The following LONRF2 variants were observed in gnomAD, a reference collection of about 807,000 sequenced individuals.
LONRF2 encodes LON peptidase N-terminal domain and ring finger 2, also known as LON peptidase N-terminal domain and RING finger protein 2.
LONRF2 carries 35 observed loss-of-function variants against 66.6 expected under a neutral mutation model. The ratio of observed to expected loss-of-function variants is 0.53; its 90% confidence interval spans 0.40 to 0.70. The LOEUF (loss-of-function observed/expected upper bound fraction) is 0.70, where lower values mean the gene tolerates loss of function less well. LONRF2 is among the 30% of genes least tolerant of loss of function. LONRF2 has a pLI of 0.00. For missense variants in LONRF2, 902 were observed against 1,002.1 expected (o/e 0.90, Z 1.35); for synonymous variants, 417 against 418.1 (o/e 1.00, Z 0.03).
intron 10 of LONRF2, among the ~76,000 whole-genome samples, chr2:100,289,671 C>T (rs1559175603): frequency 6.6e-6 from 1 of 152,104 alleles, no homozygotes; most frequent in African/African-American, 2.4e-5. Flanking sequence ...CTCCTGACCT[C>T]GTGACCTGCC....
Position 100,286,989 on chromosome 2 carries a change from C to T in LONRF2, c.1995G>A (p.Ala665=), listed in dbSNP as rs116799032. 7.3e-4 allele frequency: 1,186 copies of T among 1,614,138 alleles called. 10 individuals are homozygous for T. The African/African-American group carries it at 0.013, about 18-fold the overall frequency. The change falls in exon 11 of 12, where the codon GCG becomes GCA. Residue 665 remains alanine (A), a synonymous_variant. Coordinates refer to ENST00000393437, the MANE Select transcript of LONRF2 (RefSeq NM_198461.4). ...GTTCTTTCATGCGATCCTGGAGAGA[C>T]GCGAACCAGGAAACAGACTGTTGAT... is the stretch of plus-strand genomic sequence containing the variant. ...SVHQQSVSWF[A]SLQDRMKEQI...
At chr2:100,311,832 T>C (rs1285525832) in intron 1 of LONRF2, among the ~76,000 whole-genome samples, 1 of 152,204 alleles carries the variant, frequency 6.6e-6, no homozygotes, top group African/African-American at 2.4e-5. Flanking sequence ...CAACCTGATA[T>C]GGTGAATTAC....
At chr2:100,303,842 T>C (rs1230535659) in intron 2 of LONRF2, among the ~76,000 whole-genome samples, 1 of 152,210 alleles carries the variant, frequency 6.6e-6, no homozygotes, top group Non-Finnish European at 1.5e-5. Context: ...GGATCTGAAA[T>C]TAATGTTTCC....
At chr2:100,298,978 G>T in intron 6 of LONRF2, 28 bp from the exon 7 acceptor site, 1 of 1,530,852 alleles carries the variant, frequency 6.5e-7, no homozygotes, top group Non-Finnish European at 9.1e-7. Context: ...TTTTCAGCCA[G>T]AAATGTCCAG....
chr2:100,319,115 C>T (rs1369860519), intron 1 of LONRF2, among the ~76,000 whole-genome samples: 12 of 113,922 alleles, frequency 1.1e-4, no homozygotes, highest in South Asian at 2.5e-4. Flanking sequence ...AGCAAGACTC[C>T]GTCTTAAAAA....
chr2:100,320,686 T>C (rs1675602390), intron 1 of LONRF2, among the ~76,000 whole-genome samples: 1 of 152,158 alleles, frequency 6.6e-6, no homozygotes, highest in Non-Finnish European at 1.5e-5. Context: ...CAACTGCCAA[T>C]AGAGCGCATA....
chr2:100,293,159 A>G (rs924431974), intron 9 of LONRF2, among the ~76,000 whole-genome samples: 1 of 152,232 alleles, frequency 6.6e-6, no homozygotes, highest in Non-Finnish European at 1.5e-5. Flanking sequence ...AGATGCTGAC[A>G]GGAATTACTC....
Position 100,322,174 on chromosome 2 carries a change from G to A in LONRF2, c.-81C>T. 2.5e-6 allele frequency: 3 copies of A among 1,194,620 alleles called. No homozygotes were observed. The highest frequency in any genetic ancestry group is 2.1e-6 in the Non-Finnish European group (2 of 959,800). 74.0% of individuals were successfully genotyped at this position (1,194,620 alleles called of 1,614,324 possible). A position where few individuals can be genotyped will look rare whatever the true frequency, so the allele number is the denominator to read the frequency against. On this transcript the variant is annotated 5_prime_UTR_variant, in exon 1 of 12. Coordinates refer to ENST00000393437, the MANE Select transcript of LONRF2 (RefSeq NM_198461.4). ...GCGCTGCTGCTGGGAACTGGCCGGCGGGAGCGCGGTCTCAGCCCTCGCCAG... is the reference window on the plus strand; with the variant it reads ...GCGCTGCTGCTGGGAACTGGCCGGCAGGAGCGCGGTCTCAGCCCTCGCCAG...
In LONRF2 at chr2:100,290,284, C is replaced by T. The variant is rs1318685346; in HGVS notation, c.1894G>A (p.Asp632Asn). Reference sequence around the variant, plus strand: ...TTTTCATCTTCAAGATATTCAATGTCCGCTGTGTTATAGCCATCTCTGTGG... The same window carrying T: ...TTTTCATCTTCAAGATATTCAATGTTCGCTGTGTTATAGCCATCTCTGTGG... The part of the protein sequence containing the change: ...HRHRDGYNTA[D>N]IEYLEDEKVE... Residue 632 changes from aspartate (D) to asparagine (N), a missense_variant, in exon 10 of 12, where the codon GAC (aspartate) becomes AAC (asparagine). Around this residue, in one of 2 missense-constraint regions of LONRF2, gnomAD observed 317 missense variants for 432.2 expected, o/e 0.73. Transcript: ENST00000393437. 6.2e-7 allele frequency: 1 copy of T among 1,613,562 alleles called. No homozygotes were observed. The highest frequency in any genetic ancestry group is 8.5e-7 in the Non-Finnish European group (1 of 1,179,860).
At chr2:100,321,005 A>G (rs540418345) in intron 1 of LONRF2, among the ~76,000 whole-genome samples, 1 of 152,192 alleles carries the variant, frequency 6.6e-6, no homozygotes, top group Non-Finnish European at 1.5e-5. Flanking sequence ...GCTGAAACCC[A>G]AAGCAAATCT....
In LONRF2 at chr2:100,322,300, G is replaced by A. The variant is rs992422183; in HGVS notation, c.-207C>T. 7.3e-5 allele frequency: 28 copies of A among 385,864 alleles called. No individual in the cohort carries two copies. In the East Asian group the frequency reaches 1.0e-3, roughly 14 times the overall value. The allele number at this position is 385,864 out of a possible 1,614,324, so 23.9% of individuals were successfully genotyped here. On this transcript the variant is annotated 5_prime_UTR_variant, in exon 1 of 12. Coordinates refer to ENST00000393437, the MANE Select transcript of LONRF2 (RefSeq NM_198461.4). ...GCGTCCTCAGCGCGGTGTGGGCGGC[G>A]AGCCCCGCAGGGCTGCAATCGTTCC...
rs980955550 is a variant in LONRF2 at position 100,289,321 on chromosome 2, C to T, written c.1920+937G>A. 5.9e-5 allele frequency among the ~76,000 whole-genome samples: 9 copies of T among 152,256 alleles called. No homozygotes were observed. In the South Asian group the frequency reaches 6.2e-4, roughly 11 times the overall value. The stretch of plus-strand genomic sequence containing the variant: ...TCTGGAGTCTAAAGTACTTATTAGC[C>T]GGCCCTTTACAGAAAAAGTTTGCCA... On this transcript the variant is annotated intron_variant, in intron 10 of 11. Transcript: ENST00000393437.
intron 1 of LONRF2, among the ~76,000 whole-genome samples, chr2:100,311,261 T>A (rs1319377972): frequency 6.6e-6 from 1 of 152,100 alleles, no homozygotes. Context: ...ACAATTCTCC[T>A]TTGGAGATTT....
Position 100,284,288 on chromosome 2 carries a change from G to A in LONRF2, c.*10C>T, listed in dbSNP as rs750008006. The A allele has an allele frequency of 2.7e-6, 4 of 1,501,666 alleles. No individual in the cohort carries two copies. Among genetic ancestry groups the A allele is most frequent in the Non-Finnish European group, 3.6e-6 (4 of 1,117,774 alleles). 93.0% of individuals were successfully genotyped at this position (1,501,666 alleles called of 1,614,324 possible). A position where few individuals can be genotyped will look rare whatever the true frequency, so the allele number is the denominator to read the frequency against. On this transcript the variant is annotated 3_prime_UTR_variant, in exon 12 of 12. Coordinates refer to ENST00000393437, the MANE Select transcript of LONRF2 (RefSeq NM_198461.4). ...ACAAGGGCTGCCAGAAACCTTGACA[G>A]AGAGAAAAATCAATTATTTCTCTCC... is the stretch of plus-strand genomic sequence containing the variant.
chr2:100,288,180 T>C (rs17023897), intron 10 of LONRF2, among the ~76,000 whole-genome samples: 2,003 of 152,292 alleles, frequency 0.013, 12 homozygotes, highest in Middle Eastern at 0.027. Context: ...CTGAGAATTA[T>C]CACTTTCAGC....
Position 100,322,327 on chromosome 2 carries a change from G to A in LONRF2, c.-234C>T, listed in dbSNP as rs1270951537. ...GCCCCGCAGGGCTGCAATCGTTCCGGGGTGGGGGCCGGGACAGGCACCGCG... is the reference window on the plus strand; with the variant it reads ...GCCCCGCAGGGCTGCAATCGTTCCGAGGTGGGGGCCGGGACAGGCACCGCG... On this transcript the variant is annotated 5_prime_UTR_variant, in exon 1 of 12. Coordinates refer to ENST00000393437, the MANE Select transcript of LONRF2 (RefSeq NM_198461.4). The A allele has an allele frequency of 1.8e-5, 6 of 335,946 alleles. No individual in the cohort carries two copies. Among genetic ancestry groups the A allele is most frequent in the East Asian group, 1.0e-4 (2 of 19,824 alleles). The allele number at this position is 335,946 out of a possible 1,614,324, so 20.8% of individuals were successfully genotyped here.
At chr2:100,308,544 T>C (rs1675342122) in intron 2 of LONRF2, among the ~76,000 whole-genome samples, 2 of 152,216 alleles carry the variant, frequency 1.3e-5, no homozygotes, top group Non-Finnish European at 2.9e-5. Context: ...AAGGCTTTTA[T>C]TCTTTGGCTT....
At chr2:100,285,628 G>A (rs1339331977) in intron 11 of LONRF2, among the ~76,000 whole-genome samples, 2 of 152,156 alleles carry the variant, frequency 1.3e-5, no homozygotes, top group Non-Finnish European at 2.9e-5. Context: ...GTCCTGTCTG[G>A]GCTGTGGTCA....
intron 1 of LONRF2, among the ~76,000 whole-genome samples, chr2:100,317,956 GT>G (rs1675539791): frequency 6.6e-6 from 1 of 152,186 alleles, no homozygotes; most frequent in Non-Finnish European, 1.5e-5. Context: ...GTGCACTTGT[GT>G]CCACCCTGTT....
Sources: allele counts gnomAD v4.1 joint callset (sites outside exome capture counted in the v4.1 genomes callset), GRCh38; gene constraint gnomAD v4.1.1; regional missense constraint gnomAD v4.1.1; transcripts MANE v1.5; gene names NCBI Gene and HGNC (gene_info 2026-07-23, HGNC 2026-07-21).